SEMA6C: variants seen among roughly 807,000 people sequenced by gnomAD.
The protein encoded by SEMA6C is semaphorin 6C, also known as semaphorin-6C.
SEMA6C carries 37 observed loss-of-function variants against 72.9 expected under a neutral mutation model. That is an observed-to-expected ratio of 0.51 (90% CI 0.39 to 0.67). The LOEUF (loss-of-function observed/expected upper bound fraction) is 0.67. Ranked by LOEUF, SEMA6C falls within the 30% of genes least tolerant of loss-of-function variation. SEMA6C has a pLI of 0.00. For synonymous variants in SEMA6C, 578 were observed against 554.1 expected, an observed-to-expected ratio of 1.04 and a Z score of -0.61; for missense variants, 1,189 against 1,263.6, an observed-to-expected ratio of 0.94 and a Z score of 0.89.
At position 151,135,830 on chromosome 1, in the gene SEMA6C, C is replaced by T. The variant is rs1681974331; in HGVS notation, c.1260-66G>A. ...AAACCTGAGCATTTCAGGGAGAGCC[C>T]AACTGCCTTGGTAGCTGTGCCTGTG... On this transcript the variant is annotated intron_variant, in intron 13 of 18. Coordinates refer to ENST00000368914, the MANE Select transcript of SEMA6C (RefSeq NM_030913.6). 5 of 1,570,998 alleles carry T rather than the reference C, an allele frequency of 3.2e-6. No homozygotes were observed. The African/African-American group carries it at 4.0e-5, about 13-fold the overall frequency.
intron 15 of SEMA6C, 59 bp from the exon 16 acceptor site, chr1:151,134,934 C>A (rs371025010): frequency 4.9e-5 from 75 of 1,527,122 alleles, no homozygotes; most frequent in Non-Finnish European, 6.6e-5. Context: ...ACTTTCCATT[C>A]TGCTGCCTTT....
Position 151,132,485 on chromosome 1 carries a change from T to C in SEMA6C, c.2792A>G (p.Ter931=). 1.3e-6 allele frequency: 2 copies of C among 1,548,160 alleles called. No individual in the cohort carries two copies. The highest frequency in any genetic ancestry group is 1.7e-6 in the Non-Finnish European group (2 of 1,145,736). ...GCTGGAGGCCGTGGGCCGCTCCCTTTAAAAGTTGAAACGGCCGCCGTTCGG... is the reference window on the plus strand; with the variant it reads ...GCTGGAGGCCGTGGGCCGCTCCCTTCAAAAGTTGAAACGGCCGCCGTTCGG... The part of the protein sequence containing the change: ...AVPNGGRFNF[*] The change falls in exon 19 of 19, where the codon TAA becomes TGA. Residue 931 remains the stop codon, a stop_retained_variant. Coordinates refer to ENST00000368914, the MANE Select transcript of SEMA6C (RefSeq NM_030913.6).
chr1:151,139,998 G>C lies in SEMA6C; in HGVS notation c.211C>G (p.Arg71Gly), dbSNP rs774715172. 1 of 1,614,120 alleles carries C rather than the reference G, an allele frequency of 6.2e-7. No homozygotes were observed. ...LDFQRFLTLN[R>G]TLLVAARDHV... is the part of the protein sequence containing the mutation. ...TACCGGGCAGCCACTAGCAAGGTCC[G>C]GTTCAAGGTCAGGAATCTCTGAAAG... Residue 71 changes from arginine to glycine, a missense_variant, in exon 4 of 19, where the codon CGG becomes GGG. By Grantham distance (125) the Arg-to-Gly change is moderately radical (BLOSUM62 -2). Transcript: ENST00000368914.
In SEMA6C at chr1:151,132,426, A is replaced by G. The variant is rs1167297053; in HGVS notation, c.*58T>C. ...CGGTGAAACGTCCTGAAGAGCGTCC[A>G]GCTCGTGGCCGAGAGGACTCGGGCG... On this transcript the variant is annotated 3_prime_UTR_variant, in exon 19 of 19. Coordinates refer to ENST00000368914, the MANE Select transcript of SEMA6C (RefSeq NM_030913.6). The G allele has an allele frequency of 1.3e-6, 2 of 1,525,432 alleles. No homozygotes were observed. Among genetic ancestry groups the G allele is most frequent in the Non-Finnish European group, 1.8e-6 (2 of 1,133,502 alleles). The allele number at this position is 1,525,432 out of a possible 1,614,324, so 94.5% of individuals were successfully genotyped here. A position where few individuals can be genotyped will look rare whatever the true frequency, so the allele number is the denominator to read the frequency against.
chr1:151,139,805 T>G (rs1682379721), intron 4 of SEMA6C, 104 bp from the exon 5 acceptor site: 1 of 1,290,858 alleles, frequency 7.7e-7, no homozygotes, highest in South Asian at 1.4e-5. Context: ...GGCCCTCCCC[T>G]TCCCCCTTCC....
rs754262410 is a variant in SEMA6C at position 151,137,722 on chromosome 1, G to A, written c.745C>T (p.Arg249Trp). 3.3e-5 allele frequency: 54 copies of A among 1,612,220 alleles called. No individual in the cohort carries two copies. The highest frequency in any genetic ancestry group is 2.7e-4 in the East Asian group (12 of 44,842). Residue 249 changes from arginine (R) to tryptophan (W), a missense_variant, in exon 10 of 19, where the codon CGG becomes TGG. Physicochemically the swap from Arg to Trp is moderately radical, Grantham distance 101 (BLOSUM62 -3). Transcript: ENST00000368914. ...FFREVSVEDA[R>W]LGRVQFSRVA... ...GCCCACCTCCTTACCCTCCCCAGCC[G>A]AGCATCCTCCACAGAGACCTCGCGG...
chr1:151,133,259 G>C lies in SEMA6C; in HGVS notation c.2018C>G (p.Ala673Gly). ...GGTGTAGAGCTGCGGCGTCTGCACC[G>C]CGTCCCCGTCCTTGGAGGGCGGCGG... The part of the protein sequence containing the change: ...EPPPPSKDGD[A>G]VQTPQLYTTF... The change falls in exon 19 of 19, where the codon GCG becomes GGG. Residue 673 changes from alanine (A) to glycine (G), a missense_variant. Physicochemically the swap from Ala to Gly is moderately conservative, Grantham distance 60 (BLOSUM62 0). This residue lies in a region of SEMA6C where 721 missense variants were observed against 686.2 expected (regional missense o/e 1.05). Coordinates refer to ENST00000368914, the MANE Select transcript of SEMA6C (RefSeq NM_030913.6). This position sits in a 1 kb window ranked among gnomAD's most constrained non-coding sequence, Gnocchi z 5.9. 6.3e-7 allele frequency: 1 copy of C among 1,578,596 alleles called. No individual in the cohort carries two copies. The highest frequency in any genetic ancestry group is 8.6e-7 in the Non-Finnish European group (1 of 1,167,354).
chr1:151,140,428 T>G (rs750946809), intron 3 of SEMA6C, among the ~76,000 whole-genome samples: 2 of 152,238 alleles, frequency 1.3e-5, no homozygotes, highest in Non-Finnish European at 1.5e-5. Context: ...CCTCTGGAGT[T>G]GAGCCTAGTC....
In SEMA6C at chr1:151,138,696, G is replaced by A. The variant is rs2101633401; in HGVS notation, c.390C>T (p.Pro130=). ...AGGCAAGGAGCGTCTGGGAGTCCCA[G>A]GGAACAAGAACACGAATATAGTTGT... ...ECYNYIRVLV[P]WDSQTLLACG... The change falls in exon 7 of 19, where the codon CCC becomes CCT. Residue 130 remains proline, a synonymous_variant. Transcript: ENST00000368914. 6.2e-7 allele frequency: 1 copy of A among 1,614,156 alleles called. No homozygotes were observed. Among genetic ancestry groups the A allele is most frequent in the South Asian group, 1.1e-5 (1 of 91,084 alleles).
chr1:151,136,607 A>G, intron 11 of SEMA6C, 28 bp from the exon 12 acceptor site: 1 of 1,613,112 alleles, frequency 6.2e-7, no homozygotes, highest in Non-Finnish European at 8.5e-7. Flanking sequence ...GATGCAGGAT[A>G]GGTGCTGAAA....
In SEMA6C at chr1:151,135,701, C is replaced by G. The variant is rs76970546; in HGVS notation, c.1323G>C (p.Met441Ile). 5.8e-4 allele frequency: 932 copies of G among 1,614,206 alleles called. 5 individuals carry two copies. In the African/African-American group the frequency reaches 0.011, roughly 19 times the overall value. Residue 441 changes from methionine to isoleucine, a missense_variant, in exon 14 of 19, where the codon ATG (methionine) becomes ATC (isoleucine). By Grantham distance (10) the Met-to-Ile change is conservative. Coordinates refer to ENST00000368914, the MANE Select transcript of SEMA6C (RefSeq NM_030913.6). ...MAGPHSNITV[M>I]FLGSNDGTVL... ...CTGTCCCATCATTGGAGCCAAGGAA[C>G]ATGACTGTGATGTTACTGTGGGGAC...
At position 151,134,666 on chromosome 1, in the gene SEMA6C, C is replaced by T; in HGVS notation, c.1668G>A (p.Val556=). Residue 556 remains valine, a synonymous_variant, in exon 17 of 19, where the codon GTG becomes GTA. Transcript: ENST00000368914. ...VDIRGSGGTD[V]DQAGNQESME... The stretch of plus-strand genomic sequence containing the variant: ...TGGATTCCTGGTTCCCAGCCTGATC[C>T]ACATCAGTCCTAGGAGGAAAACGAA... 1.2e-6 allele frequency: 2 copies of T among 1,614,144 alleles called. No individual in the cohort carries two copies. The highest frequency in any genetic ancestry group is 2.2e-5 in the South Asian group (2 of 91,086).
At chr1:151,139,092 CAAAAA>C (rs887064091) in intron 6 of SEMA6C, among the ~76,000 whole-genome samples, 10 of 53,106 alleles carry the variant, frequency 1.9e-4, no homozygotes, top group Non-Finnish European at 3.9e-4. Flanking sequence ...GACTCCGTCT[CAAAAA>C]AAAAAAAAAA....
chr1:151,146,478 C>A lies in SEMA6C; in HGVS notation c.-150G>T, dbSNP rs995338615. 6.6e-6 allele frequency: 1 copy of A among 152,256 alleles called. No homozygotes were observed. Among genetic ancestry groups the A allele is most frequent in the Non-Finnish European group, 1.5e-5 (1 of 68,106 alleles). 9.4% of individuals were successfully genotyped at this position (152,256 alleles called of 1,614,324 possible). ...GATCGAGATCGCCGCGGGCGGCCAG[C>A]GGCCACGCGCTGCGCTGAGTTCGCA... On this transcript the variant is annotated 5_prime_UTR_variant, in exon 1 of 19. Coordinates refer to ENST00000368914, the MANE Select transcript of SEMA6C (RefSeq NM_030913.6). The surrounding 1 kb of genome is among the most constrained non-coding windows in gnomAD (Gnocchi z 4.6).
Position 151,132,452 on chromosome 1 carries a change from C to T in SEMA6C, c.*32G>A. Reference sequence around the variant, plus strand: ...GCTCGTGGCCGAGAGGACTCGGGCGCTCCCCACGCTGGAGGCCGTGGGCCG... The same window carrying T: ...GCTCGTGGCCGAGAGGACTCGGGCGTTCCCCACGCTGGAGGCCGTGGGCCG... On this transcript the variant is annotated 3_prime_UTR_variant, in exon 19 of 19. Coordinates refer to ENST00000368914, the MANE Select transcript of SEMA6C (RefSeq NM_030913.6). 6.5e-7 allele frequency: 1 copy of T among 1,537,018 alleles called. No homozygotes were observed. Among genetic ancestry groups the T allele is most frequent in the South Asian group, 1.2e-5 (1 of 82,792 alleles).
intron 2 of SEMA6C, among the ~76,000 whole-genome samples, chr1:151,144,049 G>A (rs1474621770): frequency 2.6e-5 from 4 of 152,092 alleles, no homozygotes; most frequent in Non-Finnish European, 5.9e-5. Flanking sequence ...GAAAAGAGTA[G>A]GAACACCTAA....
In SEMA6C at chr1:151,132,355, G is replaced by A; in HGVS notation, c.*129C>T. On this transcript the variant is annotated 3_prime_UTR_variant, in exon 19 of 19. Coordinates refer to ENST00000368914, the MANE Select transcript of SEMA6C (RefSeq NM_030913.6). ...TAAACCCGAGGCGAAAAGGGGCCTC[G>A]GGAGACTCTGCGAGTCGGGAAGGCT... 2 of 1,538,286 alleles carry A rather than the reference G, an allele frequency of 1.3e-6. No homozygotes were observed. Among genetic ancestry groups the A allele is most frequent in the African/African-American group, 1.4e-5 (1 of 72,640 alleles).
At chr1:151,141,196 T>C (rs1010814703) in intron 3 of SEMA6C, among the ~76,000 whole-genome samples, 2 of 103,102 alleles carry the variant, frequency 1.9e-5, no homozygotes, top group South Asian at 3.7e-4. Flanking sequence ...GGTTTATGCT[T>C]TCTATCATGG....
rs587598196 is a variant in SEMA6C at position 151,135,808 on chromosome 1, C to T, written c.1260-44G>A. 9 of 1,601,896 alleles carry T rather than the reference C, an allele frequency of 5.6e-6. No individual in the cohort carries two copies. In the African/African-American group the frequency reaches 1.2e-4, roughly 21 times the overall value. On this transcript the variant is annotated intron_variant, in intron 13 of 18. Transcript: ENST00000368914. ...GGTCAGGGAACCTGTCTAGTGGAAA[C>T]CTGAGCATTTCAGGGAGAGCCCAAC...
Sources: allele counts gnomAD v4.1 joint callset (sites outside exome capture counted in the v4.1 genomes callset), GRCh38; gene constraint gnomAD v4.1.1; regional missense constraint gnomAD v4.1.1; non-coding constraint Gnocchi (gnomAD v3.1); transcripts MANE v1.5; gene names NCBI Gene and HGNC (gene_info 2026-07-23, HGNC 2026-07-21).